CCDC73: variants seen among roughly 807,000 people sequenced by gnomAD.
CCDC73 encodes coiled-coil domain-containing protein 73.
CCDC73 carries 95 observed loss-of-function variants against 116.5 expected under a neutral mutation model. That is an observed-to-expected ratio of 0.82 (90% CI 0.69 to 0.97). CCDC73 has a LOEUF of 0.97. CCDC73 is among the 50% of genes least tolerant of loss of function. The pLI, the probability that CCDC73 is intolerant of heterozygous loss-of-function variation, is 0.00. For missense variants in CCDC73, 1,066 were observed against 1,206.8 expected (o/e 0.88, Z 1.73); for synonymous variants, 398 against 401.3 (o/e 0.99, Z 0.10).
Position 32,661,554 on chromosome 11 carries a change from G to C in CCDC73, c.646-6582C>G, listed in dbSNP as rs139999564. On this transcript the variant is annotated intron_variant, in intron 9 of 17. Coordinates refer to ENST00000335185, the MANE Select transcript of CCDC73 (RefSeq NM_001008391.4). ...CTGAGAGTGAGAACATGCGGTGTTTGGATTTTGTCCTTGCAATAGTTTGCT... is the reference window on the plus strand; with the variant it reads ...CTGAGAGTGAGAACATGCGGTGTTTCGATTTTGTCCTTGCAATAGTTTGCT... 6.6e-3 allele frequency among the ~76,000 whole-genome samples: 998 copies of C among 150,952 alleles called. 6 individuals carry two copies. The highest frequency in any genetic ancestry group is 9.6e-3 in the Non-Finnish European group (651 of 67,848).
chr11:32,752,154 C>G (rs1167732278), intron 2 of CCDC73, among the ~76,000 whole-genome samples: 1 of 152,162 alleles, frequency 6.6e-6, no homozygotes, highest in Non-Finnish European at 1.5e-5. Flanking sequence ...GAGTACTTAC[C>G]AAGCCTCTGC....
At chr11:32,829,835 C>A in the CCDC73 span, 2 of 985,392 alleles carry the variant, frequency 2.0e-6, no homozygotes, top group Non-Finnish European at 2.4e-6. Flanking sequence ...CGGGAGACGC[C>A]GGCCCACTGC....
chr11:32,751,093 G>A (rs1450065239), intron 2 of CCDC73, among the ~76,000 whole-genome samples: 2 of 152,190 alleles, frequency 1.3e-5, no homozygotes, highest in African/African-American at 4.8e-5. Flanking sequence ...TCCAGGATGT[G>A]TCTAGAAATG....
chr11:32,704,289 A>G (rs539630078), intron 3 of CCDC73, among the ~76,000 whole-genome samples: 1 of 152,032 alleles, frequency 6.6e-6, no homozygotes, highest in East Asian at 1.9e-4. Flanking sequence ...ACCTGTTTCC[A>G]CTCCCTGACC....
intron 13 of CCDC73, among the ~76,000 whole-genome samples, chr11:32,641,300 A>G (rs1294524158): frequency 1.3e-5 from 2 of 152,176 alleles, no homozygotes; most frequent in East Asian, 1.9e-4. Context: ...AATTGATATT[A>G]GCATAGAATA....
the CCDC73 span, among the ~76,000 whole-genome samples, chr11:32,807,053 A>G: frequency 6.6e-6 from 1 of 152,164 alleles, no homozygotes; most frequent in Non-Finnish European, 1.5e-5. Context: ...CTTCCTATTT[A>G]TTGGGTAGAA....
chr11:32,783,542 G>C (rs1159308307), intron 1 of CCDC73, among the ~76,000 whole-genome samples: 1 of 152,218 alleles, frequency 6.6e-6, no homozygotes, highest in Non-Finnish European at 1.5e-5. Flanking sequence ...CTAGATCAAA[G>C]TGCTAGCAGA....
At chr11:32,698,009 GAATTTTTTTTTTTTT>G (rs1565078693) in intron 6 of CCDC73, among the ~76,000 whole-genome samples, 1 of 47,340 alleles carries the variant, frequency 2.1e-5, no homozygotes, top group Admixed American at 2.3e-4. Flanking sequence ...GTCTAACACT[GAATTTTTTTTTTTTT>G]TTTTTTTTTT....
chr11:32,772,915 A>C (rs1257383260), intron 1 of CCDC73, among the ~76,000 whole-genome samples: 3 of 152,206 alleles, frequency 2.0e-5, no homozygotes, highest in African/African-American at 7.2e-5. Context: ...GTTAAACATA[A>C]AGTTACCATA....
At chr11:32,605,717 A>G (rs771998408) in intron 17 of CCDC73, 1 of 152,208 alleles carries the variant, frequency 6.6e-6, no homozygotes, top group Non-Finnish European at 1.5e-5. Context: ...AACAAGATAC[A>G]GTGTAGATTA....
chr11:32,803,903 T>G, the CCDC73 span, among the ~76,000 whole-genome samples: 1 of 149,198 alleles, frequency 6.7e-6, no homozygotes, highest in African/African-American at 2.5e-5. Flanking sequence ...CCATCCCAGG[T>G]TCAAGCGATT....
chr11:32,701,149 C>A (rs1421819341), intron 4 of CCDC73, among the ~76,000 whole-genome samples: 1 of 152,110 alleles, frequency 6.6e-6, no homozygotes, highest in African/African-American at 2.4e-5. Flanking sequence ...CACCACCACA[C>A]CCAGTTCAAA....
chr11:32,625,238 G>C (rs1855560031), intron 14 of CCDC73, among the ~76,000 whole-genome samples: 1 of 152,096 alleles, frequency 6.6e-6, no homozygotes, highest in African/African-American at 2.4e-5. Flanking sequence ...TATCCAATTT[G>C]CCAGTCTGTG....
At chr11:32,772,816 A>C (rs1850502306) in intron 1 of CCDC73, among the ~76,000 whole-genome samples, 2 of 152,206 alleles carry the variant, frequency 1.3e-5, no homozygotes, top group South Asian at 4.1e-4. Flanking sequence ...GAGTGTTGAC[A>C]AGGATGTGAG....
At chr11:32,662,814 G>GT (rs1177291852) in intron 9 of CCDC73, among the ~76,000 whole-genome samples, 2 of 152,062 alleles carry the variant, frequency 1.3e-5, no homozygotes, top group Non-Finnish European at 2.9e-5. Context: ...GGTTTTTATG[G>GT]TTTTAGGTCT....
chr11:32,774,549 T>C (rs1850517512), intron 1 of CCDC73, among the ~76,000 whole-genome samples: 1 of 152,080 alleles, frequency 6.6e-6, no homozygotes. Context: ...TTGAATAACA[T>C]TGGTCCTCAA....
chr11:32,750,194 A>T (rs1209155334), intron 2 of CCDC73, among the ~76,000 whole-genome samples: 1 of 152,110 alleles, frequency 6.6e-6, no homozygotes, highest in East Asian at 1.9e-4. Context: ...CTACCAAATA[A>T]ATGGATTATC....
intron 2 of CCDC73, among the ~76,000 whole-genome samples, chr11:32,725,188 G>A (rs529779771): frequency 2.0e-5 from 3 of 151,544 alleles, no homozygotes; most frequent in African/African-American, 7.3e-5. Context: ...TCAGTTACCC[G>A]CAGTCAACCA....
intron 1 of CCDC73, among the ~76,000 whole-genome samples, chr11:32,783,200 T>C (rs1448087722): frequency 6.6e-6 from 1 of 152,088 alleles, no homozygotes; most frequent in Non-Finnish European, 1.5e-5. Flanking sequence ...AGAATTACAC[T>C]GGAATTTTCA....
Sources: gnomAD v4.1 joint callset for allele counts (sites outside exome capture counted in the v4.1 genomes callset) on GRCh38, gnomAD v4.1.1 for gene constraint, MANE v1.5 for transcripts, NCBI Gene and HGNC (gene_info 2026-07-23, HGNC 2026-07-21) for gene names.